Variants in FBXO34 observed in about 807,000 individuals in gnomAD.
The protein encoded by FBXO34 is F-box protein 34.
A neutral mutation model predicts 24.5 loss-of-function variants in FBXO34; 12 were observed. The observed-to-expected ratio is 0.49, with a 90% confidence interval of 0.31 to 0.79. The LOEUF is 0.79. Ranked by LOEUF, FBXO34 falls within the 30% of genes least tolerant of loss-of-function variation. The pLI is 0.04. For synonymous variants in FBXO34, 320 were observed against 311.9 expected (o/e 1.03, Z -0.27); for missense variants, 823 against 857.7 (o/e 0.96, Z 0.51).
chr14:55,321,477 A>G (rs1037263714), intron 1 of FBXO34, among the ~76,000 whole-genome samples: 1 of 151,314 alleles, frequency 6.6e-6, no homozygotes, highest in Non-Finnish European at 1.5e-5. Context: ...GCTCACTGCA[A>G]CCTCTACCTC....
chr14:55,372,590 A>T (rs1223999432), downstream of FBXO34, among the ~76,000 whole-genome samples: 2 of 114,088 alleles, frequency 1.8e-5, no homozygotes, highest in South Asian at 2.7e-4. Context: ...TTTCTTCCTC[A>T]CTCCTTCCCT....
At chr14:55,300,676 CG>C (rs1454342475) in intron 1 of FBXO34, among the ~76,000 whole-genome samples, 2,998 of 152,298 alleles carry the variant, frequency 0.02, 74 homozygotes, top group African/African-American at 0.068. Flanking sequence ...CAGTTCAACA[CG>C]TTCTTATGTC....
At chr14:55,381,030 C>T in the FBXO34 span, among the ~76,000 whole-genome samples, 8 of 151,934 alleles carry the variant, frequency 5.3e-5, no homozygotes, top group African/African-American at 1.9e-4. Flanking sequence ...CCAGAGAGGG[C>T]TCTCCTGACA....
chr14:55,331,601 TAAA>T (rs1322385240), intron 1 of FBXO34, among the ~76,000 whole-genome samples: 1 of 136,514 alleles, frequency 7.3e-6, no homozygotes, highest in Non-Finnish European at 1.6e-5. Flanking sequence ...TGTATATATA[TAAA>T]AAAATATAAA....
At chr14:55,343,470 C>T (rs549575219) in intron 1 of FBXO34, among the ~76,000 whole-genome samples, 25 of 152,174 alleles carry the variant, frequency 1.6e-4, no homozygotes, top group African/African-American at 5.8e-4. Flanking sequence ...AGGCTGGTCT[C>T]GAACTCCTGA....
intron 1 of FBXO34, among the ~76,000 whole-genome samples, chr14:55,308,517 G>T (rs974674464): frequency 6.6e-6 from 1 of 152,274 alleles, no homozygotes; most frequent in Middle Eastern, 3.4e-3. Flanking sequence ...TTATTTTACA[G>T]ATGATGAAAC....
At chr14:55,280,759 C>G (rs1220033152) in intron 1 of FBXO34, among the ~76,000 whole-genome samples, 1 of 151,982 alleles carries the variant, frequency 6.6e-6, no homozygotes, top group Non-Finnish European at 1.5e-5. Flanking sequence ...ATCTCCTGAC[C>G]TCGTGATCCT....
chr14:55,371,920 C>T (rs1268680612), downstream of FBXO34, among the ~76,000 whole-genome samples: 2 of 152,242 alleles, frequency 1.3e-5, no homozygotes, highest in Non-Finnish European at 2.9e-5. Flanking sequence ...GGACTTTCTA[C>T]TGCCCCTTGA....
chr14:55,367,093 A>C (rs1884696129), intron 2 of FBXO34: 1 of 152,578 alleles, frequency 6.6e-6, no homozygotes, highest in Non-Finnish European at 1.5e-5. Flanking sequence ...CATCTTTGTA[A>C]ATTTTGTGGA....
At chr14:55,318,205 A>T in intron 1 of FBXO34, 1 of 151,710 alleles carries the variant, frequency 6.6e-6, no homozygotes, top group East Asian at 1.9e-4. Flanking sequence ...GGATCAACAA[A>T]GAGCTATGTG....
At chr14:55,311,808 A>C (rs1175661593) in intron 1 of FBXO34, among the ~76,000 whole-genome samples, 1 of 150,106 alleles carries the variant, frequency 6.7e-6, no homozygotes, top group African/African-American at 2.5e-5. Context: ...GCTCACTGCA[A>C]CCTCCACCTC....
downstream of FBXO34, among the ~76,000 whole-genome samples, chr14:55,371,226 C>T (rs145945019): frequency 8.5e-4 from 130 of 152,300 alleles, no homozygotes; most frequent in African/African-American, 2.9e-3. Flanking sequence ...AGCCTAGAAT[C>T]GTATAGCTTG....
chr14:55,310,328 G>A (rs1167555842), intron 1 of FBXO34, among the ~76,000 whole-genome samples: 2 of 152,200 alleles, frequency 1.3e-5, no homozygotes, highest in African/African-American at 4.8e-5. Context: ...TTGAGAAAAA[G>A]AGAAATGCTA....
chr14:55,403,725 G>A, the FBXO34 span, among the ~76,000 whole-genome samples: 22 of 152,138 alleles, frequency 1.4e-4, no homozygotes, highest in African/African-American at 5.1e-4. Context: ...TGTATTGTGT[G>A]ATCCCACTTT....
chr14:55,335,181 T>C (rs1357853262), intron 1 of FBXO34: 3 of 152,256 alleles, frequency 2.0e-5, no homozygotes, highest in East Asian at 1.9e-4. Context: ...GGAGATCAGA[T>C]TGAAGATGTA....
At chr14:55,290,986 G>GC (rs1566542417) in intron 1 of FBXO34, among the ~76,000 whole-genome samples, 1 of 147,968 alleles carries the variant, frequency 6.8e-6, no homozygotes. Context: ...TGCCCACCTA[G>GC]TTTTTTTTTT....
chr14:55,424,413 G>A, the FBXO34 span, among the ~76,000 whole-genome samples: 1 of 152,164 alleles, frequency 6.6e-6, no homozygotes, highest in Admixed American at 6.5e-5. Context: ...AGTCTTGAGT[G>A]TCCTAGGTAA....
At chr14:55,435,278 A>ATT in the FBXO34 span, among the ~76,000 whole-genome samples, 314 of 143,972 alleles carry the variant, frequency 2.2e-3, 4 homozygotes, top group Middle Eastern at 7.0e-3. Context: ...GTCAGGTGAA[A>ATT]TTTTTTTTTT....
chr14:55,322,075 C>T (rs770343809), intron 1 of FBXO34, among the ~76,000 whole-genome samples: 2 of 152,146 alleles, frequency 1.3e-5, no homozygotes, highest in Non-Finnish European at 1.5e-5. Context: ...GTAATCCCAG[C>T]ACTTTGGGAG....
Sources: gnomAD v4.1 joint callset for allele counts (sites outside exome capture counted in the v4.1 genomes callset) on GRCh38, gnomAD v4.1.1 for gene constraint, MANE v1.5 for transcripts, NCBI Gene and HGNC (gene_info 2026-07-23, HGNC 2026-07-21) for gene names.